Variants in SLC25A26 observed in about 807,000 individuals in gnomAD.
SLC25A26 encodes the protein mitochondrial S-adenosylmethionine carrier protein.
In SLC25A26, 36 loss-of-function variants were observed where a neutral mutation model predicts 37.8. The ratio of observed to expected loss-of-function variants is 0.95; its 90% confidence interval spans 0.73 to 1.26. The LOEUF (loss-of-function observed/expected upper bound fraction) is 1.26. Ranked by LOEUF, SLC25A26 falls within the 50% of genes most tolerant of loss-of-function variation. The probability of loss-of-function intolerance (pLI) is 0.00; values close to 1 mark genes in which losing one functional copy is unlikely to be tolerated. For synonymous variants in SLC25A26, 129 were observed against 122.5 expected, an observed-to-expected ratio of 1.05 and a Z score of -0.35; for missense variants, 390 against 331.1, an observed-to-expected ratio of 1.18 and a Z score of -1.38.
chr3:66,234,101 G>A (rs1231139908), intron 1 of SLC25A26, among the ~76,000 whole-genome samples: 2 of 1,190 alleles, frequency 1.7e-3, no homozygotes, highest in Non-Finnish European at 0.011. Flanking sequence ...ATTATTATTA[G>A]AGATGAGTCT....
At chr3:66,253,188 G>C (rs952698212) in intron 3 of SLC25A26, among the ~76,000 whole-genome samples, 149 of 151,874 alleles carry the variant, frequency 9.8e-4, no homozygotes, top group South Asian at 4.0e-3. Flanking sequence ...CGGGCGGATC[G>C]TGAGGTCAGG....
intron 1 of SLC25A26, among the ~76,000 whole-genome samples, chr3:66,202,878 A>G (rs2071128573): frequency 6.6e-6 from 1 of 152,244 alleles, no homozygotes; most frequent in Admixed American, 6.5e-5. Context: ...TTAGTTTACC[A>G]TAACAAAAGC....
chr3:66,346,020 C>A (rs989533369), intron 5 of SLC25A26, among the ~76,000 whole-genome samples: 6 of 152,096 alleles, frequency 3.9e-5, no homozygotes, highest in African/African-American at 1.4e-4. Context: ...TGGTGAAACC[C>A]CATCTCTAAA....
At chr3:66,272,558 G>A (rs1048963408) in intron 5 of SLC25A26, among the ~76,000 whole-genome samples, 13 of 152,002 alleles carry the variant, frequency 8.6e-5, no homozygotes, top group African/African-American at 2.9e-4. Flanking sequence ...ATATTATCAC[G>A]TTTGCGTGAT....
intron 9 of SLC25A26, among the ~76,000 whole-genome samples, chr3:66,374,601 C>T (rs768496193): frequency 6.6e-6 from 1 of 152,166 alleles, no homozygotes; most frequent in African/African-American, 2.4e-5. Flanking sequence ...ATAAAAAACT[C>T]GGGCCGGGCA....
chr3:66,245,405 A>AT (rs2072785932), intron 3 of SLC25A26, among the ~76,000 whole-genome samples: 1 of 152,082 alleles, frequency 6.6e-6, no homozygotes, highest in Non-Finnish European at 1.5e-5. Flanking sequence ...TATTAGTGTT[A>AT]TTTTCAAATC....
At chr3:66,226,707 C>T (rs2071771554) in intron 1 of SLC25A26, among the ~76,000 whole-genome samples, 1 of 152,138 alleles carries the variant, frequency 6.6e-6, no homozygotes, top group African/African-American at 2.4e-5. Context: ...AAGCAATCCT[C>T]CTGACTCAGC....
chr3:66,282,030 A>G (rs1576787519), intron 5 of SLC25A26, among the ~76,000 whole-genome samples: 1 of 95,340 alleles, frequency 1.0e-5, no homozygotes, highest in Non-Finnish European at 1.9e-5. Context: ...TTTGAGACGG[A>G]GTCTCGCTCT....
In SLC25A26 at chr3:66,308,521, A is replaced by G. The variant is rs903263987; in HGVS notation, c.454-37843A>G. On this transcript the variant is annotated intron_variant, in intron 5 of 9. Coordinates refer to ENST00000354883, the MANE Select transcript of SLC25A26 (RefSeq NM_001379210.1). ...TTTCTCTTGCCTGATTGCCCTGGCC[A>G]TAACTTCCAGTACTATGTTGAATAG... Among the ~76,000 whole-genome samples the G allele has an allele frequency of 6.6e-5, 10 of 152,358 alleles. No individual in the cohort carries two copies. In the East Asian group the frequency reaches 1.5e-3, roughly 23 times the overall value.
At position 66,149,919 on chromosome 3, in the gene SLC25A26, AATTT is replaced by A. The variant is rs1380774206; in HGVS notation, c.-354+15938_-354+15941del. 6.6e-5 allele frequency among the ~76,000 whole-genome samples: 10 copies of A among 152,278 alleles called. No homozygotes were observed. The South Asian group carries it at 2.1e-3, about 32-fold the overall frequency. ...AAACTGAGATATGGACAGGTTAAGT[AATTT>A]ATCCAAGGTCATATGACAGAGTCCA... On this transcript the variant is annotated intron_variant, in intron 1 of 10. Coordinates refer to the SLC25A26 transcript ENST00000676754.
intron 5 of SLC25A26, among the ~76,000 whole-genome samples, chr3:66,268,540 C>G (rs1398021794): frequency 6.6e-6 from 1 of 152,204 alleles, no homozygotes. Context: ...AAACTTCCCC[C>G]AAATTCTTGT....
chr3:66,150,215 A>G (rs2070179237), intron 1 of SLC25A26, among the ~76,000 whole-genome samples: 1 of 151,862 alleles, frequency 6.6e-6, no homozygotes, highest in African/African-American at 2.4e-5. Context: ...TATATAACAT[A>G]GGCCGGGCAT....
intron 3 of SLC25A26, among the ~76,000 whole-genome samples, chr3:66,244,202 T>C (rs2072718467): frequency 6.6e-6 from 1 of 152,144 alleles, no homozygotes; most frequent in Admixed American, 6.5e-5. Flanking sequence ...TGGAATAATA[T>C]TAATATTAGG....
At chr3:66,285,146 A>G (rs538120484) in intron 5 of SLC25A26, among the ~76,000 whole-genome samples, 47 of 152,348 alleles carry the variant, frequency 3.1e-4, no homozygotes, top group Admixed American at 7.8e-4. Flanking sequence ...TAAACAATCC[A>G]TATGAATTAT....
intron 5 of SLC25A26, among the ~76,000 whole-genome samples, chr3:66,292,568 G>T (rs1256382060): frequency 6.6e-6 from 1 of 152,090 alleles, no homozygotes; most frequent in Admixed American, 6.5e-5. Context: ...GCTTAGTTCG[G>T]CTGGATTTGA....
chr3:66,228,261 A>G (rs2071850902), intron 1 of SLC25A26, among the ~76,000 whole-genome samples: 1 of 152,160 alleles, frequency 6.6e-6, no homozygotes, highest in Admixed American at 6.5e-5. Flanking sequence ...CATCTCTACT[A>G]CCCACAGATG....
At chr3:66,248,686 G>T (rs79420914) in intron 3 of SLC25A26, among the ~76,000 whole-genome samples, 3 of 152,186 alleles carry the variant, frequency 2.0e-5, no homozygotes, top group African/African-American at 7.2e-5. Flanking sequence ...TGCTGGTAGA[G>T]TGTCCTTTTC....
At chr3:66,177,200 G>A (rs149110214) in intron 1 of SLC25A26, among the ~76,000 whole-genome samples, 2 of 152,182 alleles carry the variant, frequency 1.3e-5, no homozygotes, top group African/African-American at 2.4e-5. Flanking sequence ...CTGCAAATAC[G>A]CTGGGCACCA....
chr3:66,263,710 G>A (rs991574752), intron 5 of SLC25A26, among the ~76,000 whole-genome samples: 5 of 152,034 alleles, frequency 3.3e-5, no homozygotes, highest in South Asian at 2.1e-4. Context: ...CCAGGCTGGC[G>A]TGCAGTGGCG....
Sources: gnomAD v4.1 joint callset for allele counts (sites outside exome capture counted in the v4.1 genomes callset) on GRCh38, gnomAD v4.1.1 for gene constraint, MANE v1.5 for transcripts, NCBI Gene and HGNC (gene_info 2026-07-23, HGNC 2026-07-21) for gene names.